Variants in DISC1 observed in about 807,000 individuals in gnomAD.
DISC1 encodes disrupted in schizophrenia 1 protein.
DISC1 carries 57 observed loss-of-function variants against 84.5 expected under a neutral mutation model. The observed-to-expected ratio is 0.67, with a 90% CI of 0.55 to 0.84. The LOEUF is 0.84. DISC1 is among the 40% of genes least tolerant of loss of function. DISC1 has a pLI of 0.00. For synonymous variants in DISC1, 411 were observed against 415.2 expected (o/e 0.99, Z 0.12); for missense variants, 1,000 against 1,057.8 (o/e 0.95, Z 0.76).
In DISC1 at chr1:231,710,554, G is replaced by T. The variant is rs187287665; in HGVS notation, c.1117+8530G>T. 5.4e-4 allele frequency among the ~76,000 whole-genome samples: 83 copies of T among 152,302 alleles called. No individual in the cohort carries two copies. The East Asian group carries it at 7.3e-3, about 13-fold the overall frequency. On this transcript the variant is annotated intron_variant, in intron 3 of 12. Coordinates refer to ENST00000439617, the MANE Select transcript of DISC1 (RefSeq NM_018662.3). Reference sequence around the variant, plus strand: ...CTGCCATGGCAAAGTACTACTGACTGTGTGGCTTAAACAATAGAAACTTAT... The same window carrying T: ...CTGCCATGGCAAAGTACTACTGACTTTGTGGCTTAAACAATAGAAACTTAT...
At chr1:231,840,720 T>A (rs2082982604) in intron 9 of DISC1, among the ~76,000 whole-genome samples, 1 of 151,922 alleles carries the variant, frequency 6.6e-6, no homozygotes, top group Non-Finnish European at 1.5e-5. Context: ...GTTGTTGTTG[T>A]TTTTTGAGAC....
intron 10 of DISC1, among the ~76,000 whole-genome samples, chr1:231,970,085 C>T (rs1230871601): frequency 6.6e-6 from 1 of 152,164 alleles, no homozygotes; most frequent in Non-Finnish European, 1.5e-5. Flanking sequence ...TTTATAGCAG[C>T]AAGATTTATA....
intron 3 of DISC1, among the ~76,000 whole-genome samples, chr1:231,746,857 C>A (rs1210822645): frequency 6.6e-6 from 1 of 152,132 alleles, no homozygotes; most frequent in Non-Finnish European, 1.5e-5. Context: ...GGATAGTAAT[C>A]CCCTGTTGGA....
chr1:231,972,539 CTA>C (rs1368380718), intron 10 of DISC1, among the ~76,000 whole-genome samples: 1 of 152,170 alleles, frequency 6.6e-6, no homozygotes, highest in Non-Finnish European at 1.5e-5. Context: ...TCATCTCCAG[CTA>C]TGTTAGTCTA....
In DISC1 at chr1:231,694,045, G is replaced by C. The variant is rs759091145; in HGVS notation, c.287G>C (p.Arg96Pro). Reference sequence around the variant, plus strand: ...CTTGACTCGAGAGGCCTCTTGGTCCGGAGCCCTGTTTCCAAGAGTGCAGCA... The same window carrying C: ...CTTGACTCGAGAGGCCTCTTGGTCCCGAGCCCTGTTTCCAAGAGTGCAGCA... ...CGLDSRGLLV[R>P]SPVSKSAAAP... The change falls in exon 2 of 13, where the codon CGG becomes CCG. Residue 96 changes from arginine (R) to proline (P), a missense_variant. Physicochemically the swap from Arg to Pro is moderately radical, Grantham distance 103. Transcript: ENST00000439617. 1.9e-6 allele frequency: 3 copies of C among 1,614,028 alleles called. No homozygotes were observed. Among genetic ancestry groups the C allele is most frequent in the African/African-American group, 1.3e-5 (1 of 74,930 alleles).
chr1:231,798,919 T>C (rs1182501059), intron 7 of DISC1, among the ~76,000 whole-genome samples: 1 of 152,144 alleles, frequency 6.6e-6, no homozygotes, highest in Non-Finnish European at 1.5e-5. Flanking sequence ...CAAACTGATA[T>C]AAGAAAACAT....
chr1:231,888,515 G>T (rs559928425), intron 9 of DISC1, among the ~76,000 whole-genome samples: 4 of 151,208 alleles, frequency 2.6e-5, no homozygotes, highest in Non-Finnish European at 5.9e-5. Flanking sequence ...GAGGCCGAGG[G>T]GGGTGGATCA....
intron 9 of DISC1, among the ~76,000 whole-genome samples, chr1:231,908,587 T>C (rs922153445): frequency 2.0e-4 from 30 of 152,202 alleles, no homozygotes; most frequent in African/African-American, 6.0e-4. Flanking sequence ...GTAGTATCAT[T>C]TGAAGTCAAG....
intron 6 of DISC1, among the ~76,000 whole-genome samples, chr1:231,781,879 C>A (rs1272091154): frequency 2.0e-5 from 3 of 152,194 alleles, no homozygotes; most frequent in Non-Finnish European, 4.4e-5. Context: ...CTCAGATAGA[C>A]CCTTCTCCAG....
intron 3 of DISC1, among the ~76,000 whole-genome samples, chr1:231,745,015 T>C (rs1472453737): frequency 7.3e-6 from 1 of 137,772 alleles, no homozygotes; most frequent in African/African-American, 2.5e-5. Context: ...TTTATGTGCA[T>C]TCTTTGAGCA....
intron 9 of DISC1, among the ~76,000 whole-genome samples, chr1:231,957,351 G>T (rs531497471): frequency 6.6e-6 from 1 of 151,296 alleles, no homozygotes; most frequent in South Asian, 2.1e-4. Flanking sequence ...CCACTCTACA[G>T]CCCCTTTTCA....
intron 1 of DISC1, among the ~76,000 whole-genome samples, chr1:231,664,162 A>AC (rs1322152125): frequency 1.3e-5 from 2 of 152,132 alleles, no homozygotes; most frequent in East Asian, 3.8e-4. Flanking sequence ...GGAAACTGAG[A>AC]CCCAGAGACA....
chr1:231,766,114 A>G (rs958764943), intron 4 of DISC1, among the ~76,000 whole-genome samples: 6 of 151,826 alleles, frequency 4.0e-5, no homozygotes, highest in Admixed American at 2.0e-4. Context: ...ACATGGTGAA[A>G]CCCTGTCTCT....
At chr1:231,793,703 G>T (rs954811363) in intron 6 of DISC1, among the ~76,000 whole-genome samples, 1 of 152,088 alleles carries the variant, frequency 6.6e-6, no homozygotes, top group African/African-American at 2.4e-5. Flanking sequence ...CTTTCATATT[G>T]CTCTCTTGCT....
intron 9 of DISC1, among the ~76,000 whole-genome samples, chr1:231,919,634 A>G (rs896895234): frequency 5.3e-5 from 8 of 152,218 alleles, no homozygotes; most frequent in Non-Finnish European, 8.8e-5. Flanking sequence ...CTGGACAGAA[A>G]GACCTTTTTT....
intron 1 of DISC1, among the ~76,000 whole-genome samples, chr1:231,682,851 C>G (rs1366196489): frequency 2.0e-5 from 3 of 152,208 alleles, no homozygotes; most frequent in Non-Finnish European, 4.4e-5. Context: ...TATCCTTTTC[C>G]TGTTCCCCGA....
At chr1:232,024,792 A>T (rs1449026747) in intron 11 of DISC1, among the ~76,000 whole-genome samples, 1 of 151,864 alleles carries the variant, frequency 6.6e-6, no homozygotes, top group South Asian at 2.1e-4. Context: ...GGGTTTAACC[A>T]TGTTGGCCAG....
At chr1:231,974,571 C>A (rs551140951) in intron 10 of DISC1, among the ~76,000 whole-genome samples, 2 of 152,152 alleles carry the variant, frequency 1.3e-5, no homozygotes, top group Non-Finnish European at 2.9e-5. Context: ...CTTCCGTTTG[C>A]TTAACTTCCG....
intron 9 of DISC1, among the ~76,000 whole-genome samples, chr1:231,871,448 ACG>A (rs1184098304): frequency 2.6e-5 from 4 of 152,176 alleles, no homozygotes; most frequent in African/African-American, 9.7e-5. Context: ...ACACAGCCAC[ACG>A]CTCTTCTGCC....
Sources: gnomAD v4.1 joint callset for allele counts (sites outside exome capture counted in the v4.1 genomes callset) on GRCh38, gnomAD v4.1.1 for gene constraint, MANE v1.5 for transcripts, NCBI Gene and HGNC (gene_info 2026-07-23, HGNC 2026-07-21) for gene names.